PTPRR: variants seen among roughly 807,000 people sequenced by gnomAD.
PTPRR encodes receptor-type tyrosine-protein phosphatase R.
In PTPRR, 38 loss-of-function variants were observed where a neutral mutation model predicts 77.2. That is an observed-to-expected ratio of 0.49 (90% confidence interval 0.38 to 0.65). The LOEUF (loss-of-function observed/expected upper bound fraction) is 0.65. PTPRR is among the 30% of genes least tolerant of loss of function. The probability of loss-of-function intolerance (pLI) is 0.00; values close to 1 mark genes in which losing one functional copy is unlikely to be tolerated. For synonymous variants in PTPRR, 299 were observed against 283.1 expected (o/e 1.06, Z -0.57); for missense variants, 744 against 799.2 (o/e 0.93, Z 0.83).
chr12:70,868,290 T>C (rs1892894893), intron 2 of PTPRR, among the ~76,000 whole-genome samples: 1 of 151,904 alleles, frequency 6.6e-6, no homozygotes, highest in South Asian at 2.1e-4. Context: ...CCTACTCATC[T>C]GACAAAGGGC....
At chr12:70,821,570 G>C (rs1892013455) in intron 2 of PTPRR, among the ~76,000 whole-genome samples, 1 of 151,598 alleles carries the variant, frequency 6.6e-6, no homozygotes, top group African/African-American at 2.4e-5. Flanking sequence ...AATAAGTTTG[G>C]CGTGCTTAAG....
intron 2 of PTPRR, among the ~76,000 whole-genome samples, chr12:70,818,084 T>C (rs981046550): frequency 3.2e-4 from 48 of 152,024 alleles, no homozygotes; most frequent in African/African-American, 1.2e-3. Flanking sequence ...TGGTGGTGCC[T>C]GCCTGTAATC....
intron 2 of PTPRR, among the ~76,000 whole-genome samples, chr12:70,833,919 G>A (rs971594343): frequency 1.3e-5 from 2 of 152,144 alleles, no homozygotes; most frequent in South Asian, 2.1e-4. Context: ...ACTTTTAAAA[G>A]GGCCTACAAT....
intron 6 of PTPRR, among the ~76,000 whole-genome samples, chr12:70,733,024 G>C (rs369476425): frequency 6.6e-6 from 1 of 152,200 alleles, no homozygotes; most frequent in Admixed American, 6.5e-5. Context: ...AATCAAAGCC[G>C]AGAGGGAAAA....
At chr12:70,772,303 C>T (rs1488376490) in intron 2 of PTPRR, among the ~76,000 whole-genome samples, 1 of 152,094 alleles carries the variant, frequency 6.6e-6, no homozygotes, top group African/African-American at 2.4e-5. Flanking sequence ...TCTCTAATAA[C>T]GAGATTGGTT....
chr12:70,713,114 G>A (rs1480316418), intron 6 of PTPRR, among the ~76,000 whole-genome samples: 1 of 152,060 alleles, frequency 6.6e-6, no homozygotes, highest in African/African-American at 2.4e-5. Flanking sequence ...ACCTGCTTTG[G>A]ACATTTCGTA....
At chr12:70,654,805 T>A (rs1886518006) in intron 13 of PTPRR, among the ~76,000 whole-genome samples, 2 of 152,206 alleles carry the variant, frequency 1.3e-5, no homozygotes, top group South Asian at 4.1e-4. Flanking sequence ...TTAGTAAACA[T>A]TTGTTGTTTG....
intron 2 of PTPRR, among the ~76,000 whole-genome samples, chr12:70,782,899 A>G (rs1482570330): frequency 1.3e-5 from 2 of 152,206 alleles, no homozygotes; most frequent in African/African-American, 2.4e-5. Flanking sequence ...GGGGTTAGTA[A>G]GGCAGACTTG....
At chr12:70,918,847 T>C (rs1893812339) in intron 1 of PTPRR, among the ~76,000 whole-genome samples, 1 of 152,220 alleles carries the variant, frequency 6.6e-6, no homozygotes, top group South Asian at 2.1e-4. Flanking sequence ...ACCCAATGTG[T>C]ATGTTTTCAT....
chr12:70,759,679 T>TAA (rs34011060), intron 4 of PTPRR, among the ~76,000 whole-genome samples: 3,391 of 34,382 alleles, frequency 0.099, 700 homozygotes, highest in Non-Finnish European at 0.14. Flanking sequence ...GACTCCGTCT[T>TAA]AAAAAAAAAA....
intron 8 of PTPRR, among the ~76,000 whole-genome samples, chr12:70,691,031 G>A (rs530899559): frequency 6.6e-6 from 1 of 152,224 alleles, no homozygotes; most frequent in South Asian, 2.1e-4. Flanking sequence ...TTTAAAAAAA[G>A]GTCAGTTCTA....
chr12:70,798,043 T>C (rs1891547290), intron 2 of PTPRR, among the ~76,000 whole-genome samples: 1 of 152,214 alleles, frequency 6.6e-6, no homozygotes, highest in African/African-American at 2.4e-5. Context: ...GATATCTCGA[T>C]TGAGATGTCT....
intron 5 of PTPRR, among the ~76,000 whole-genome samples, chr12:70,750,570 G>A (rs955683487): frequency 2.6e-4 from 39 of 152,028 alleles, no homozygotes; most frequent in Admixed American, 7.2e-4. Flanking sequence ...TTAGATAATC[G>A]CTTTGACATG....
intron 10 of PTPRR, among the ~76,000 whole-genome samples, chr12:70,667,597 GC>G (rs1369123302): frequency 6.6e-6 from 1 of 152,110 alleles, no homozygotes; most frequent in Non-Finnish European, 1.5e-5. Flanking sequence ...GCTTGTGGTG[GC>G]TTTGGTCTCT....
rs536226667 is a variant in PTPRR at position 70,880,047 on chromosome 12, A to G, written c.357+12632T>C. 4.6e-5 allele frequency among the ~76,000 whole-genome samples: 7 copies of G among 152,286 alleles called. No homozygotes were observed. The South Asian group carries it at 1.0e-3, about 23-fold the overall frequency. On this transcript the variant is annotated intron_variant, in intron 2 of 13. Coordinates refer to ENST00000283228, the MANE Select transcript of PTPRR (RefSeq NM_002849.4). The stretch of plus-strand genomic sequence containing the variant: ...ATGATTCTCTGCATTTAAAAGTATA[A>G]TCACCAGCCAACCAATGGCTTAGGA...
chr12:70,706,401 C>A (rs1289232859), intron 6 of PTPRR, among the ~76,000 whole-genome samples: 1 of 151,674 alleles, frequency 6.6e-6, no homozygotes, highest in Non-Finnish European at 1.5e-5. Context: ...ATAAAATTTC[C>A]CAAAGGAAAT....
rs1490793979 is a variant in PTPRR, at chr12:70,764,744, G to T, written c.392C>A (p.Thr131Asn). The stretch of plus-strand genomic sequence containing the variant: ...TCCTTGGCGGAAGATCCGAAGCAAG[G>T]TTATGTTCAGCTTGTTTACATCCAT... ...LQMDVNKLNITLLRIFRQGVA... is the reference protein window; with the variant it reads ...LQMDVNKLNINLLRIFRQGVA... Residue 131 changes from threonine (T) to asparagine (N), a missense_variant, in exon 3 of 14, where the codon ACC becomes AAC. Around this residue, in one of 3 missense-constraint regions of PTPRR, gnomAD observed 570 missense variants for 573.2 expected, o/e 0.99. Coordinates refer to ENST00000283228, the MANE Select transcript of PTPRR (RefSeq NM_002849.4). 6.2e-7 allele frequency: 1 copy of T among 1,614,062 alleles called. No homozygotes were observed. Among genetic ancestry groups the T allele is most frequent in the East Asian group, 2.2e-5 (1 of 44,864 alleles).
intron 11 of PTPRR, 89 bp downstream of exon 11, chr12:70,662,406 G>A: frequency 1.5e-6 from 1 of 661,640 alleles, no homozygotes; most frequent in Non-Finnish European, 2.5e-6. Context: ...TGCTTAAATT[G>A]CATTTGTAGT....
intron 3 of PTPRR, among the ~76,000 whole-genome samples, chr12:70,763,517 G>GAAC (rs1565687025): frequency 2.0e-5 from 3 of 152,100 alleles, no homozygotes; most frequent in Non-Finnish European, 4.4e-5. Context: ...GAACATTGTT[G>GAAC]ATTCACAGAA....
Sources: allele counts gnomAD v4.1 joint callset (sites outside exome capture counted in the v4.1 genomes callset), GRCh38; gene constraint gnomAD v4.1.1; regional missense constraint gnomAD v4.1.1; transcripts MANE v1.5; gene names NCBI Gene and HGNC (gene_info 2026-07-23, HGNC 2026-07-21).